CMPK1: variants seen among roughly 807,000 people sequenced by gnomAD.
The protein encoded by CMPK1 is UMP-CMP kinase.
Under a neutral mutation model 25.7 loss-of-function variants are expected in CMPK1, and 10 were observed. The ratio of observed to expected loss-of-function variants is 0.39; its 90% CI spans 0.24 to 0.66. The LOEUF (loss-of-function observed/expected upper bound fraction) is 0.66. CMPK1 is among the 30% of genes least tolerant of loss of function. CMPK1 has a pLI of 0.48. For synonymous variants in CMPK1, 106 were observed against 101.5 expected (o/e 1.04, Z -0.27); for missense variants, 199 against 280.5 (o/e 0.71, Z 2.08).
At chr1:47,341,258 A>G (rs1194569727) in intron 1 of CMPK1, among the ~76,000 whole-genome samples, 1 of 152,172 alleles carries the variant, frequency 6.6e-6, no homozygotes, top group African/African-American at 2.4e-5. Flanking sequence ...AAATGCAAAT[A>G]TTTATATTTT....
chr1:47,358,286 C>T (rs1411193087), intron 1 of CMPK1: 6 of 547,322 alleles, frequency 1.1e-5, no homozygotes, highest in Non-Finnish European at 1.9e-5. Context: ...CTAATTTTTC[C>T]ATTTTTTGTA....
chr1:47,358,491 T>C, intron 1 of CMPK1: 1 of 1,106,290 alleles, frequency 9.0e-7, no homozygotes. Flanking sequence ...TGGCTGTTAG[T>C]ATAGTATAGT....
At chr1:47,369,608 C>A (rs985580614) in intron 2 of CMPK1, among the ~76,000 whole-genome samples, 4 of 151,718 alleles carry the variant, frequency 2.6e-5, no homozygotes, top group Non-Finnish European at 4.4e-5. Flanking sequence ...TGTCGCCAGG[C>A]TGGAGTGTAG....
intron 5 of CMPK1, among the ~76,000 whole-genome samples, chr1:47,375,539 GT>G (rs940188480): frequency 1.3e-5 from 2 of 151,980 alleles, no homozygotes; most frequent in East Asian, 3.9e-4. Context: ...AAAAATTAGG[GT>G]TTTTTTCCTT....
At chr1:47,367,837 G>T (rs1045469208) in intron 1 of CMPK1, among the ~76,000 whole-genome samples, 1 of 151,946 alleles carries the variant, frequency 6.6e-6, no homozygotes, top group Non-Finnish European at 1.5e-5. Flanking sequence ...GTGCAATCAC[G>T]GTTCACTGCA....
chr1:47,354,087 G>A (rs1646540393), intron 1 of CMPK1, among the ~76,000 whole-genome samples: 1 of 152,136 alleles, frequency 6.6e-6, no homozygotes, highest in East Asian at 1.9e-4. Context: ...CACTTTGGGA[G>A]GCTAAGGTGG....
chr1:47,339,769 A>G (rs2149324389), intron 1 of CMPK1, among the ~76,000 whole-genome samples: 1 of 138,668 alleles, frequency 7.2e-6, no homozygotes, highest in East Asian at 2.2e-4. Flanking sequence ...GTGCAGTGGC[A>G]TGATCTCGGC....
chr1:47,333,844 G>C lies in CMPK1; in HGVS notation c.-102G>C. ...CAGCCACGGCGGCGGGGCCGCGGCGGGCGCCGGCTCAGCCCGCCCCTTTCT... is the reference window on the plus strand; with the variant it reads ...CAGCCACGGCGGCGGGGCCGCGGCGCGCGCCGGCTCAGCCCGCCCCTTTCT... On this transcript the variant is annotated 5_prime_UTR_variant, in exon 1 of 6. Transcript: ENST00000371873. 1 of 770,910 alleles carries C rather than the reference G, an allele frequency of 1.3e-6. No individual in the cohort carries two copies. The highest frequency in any genetic ancestry group is 1.6e-6 in the Non-Finnish European group (1 of 627,516). 47.8% of individuals were successfully genotyped at this position (770,910 alleles called of 1,614,324 possible). A position where few individuals can be genotyped will look rare whatever the true frequency, so the allele number is the denominator to read the frequency against.
intron 1 of CMPK1, among the ~76,000 whole-genome samples, chr1:47,337,480 A>G (rs1362925095): frequency 6.6e-6 from 1 of 152,170 alleles, no homozygotes; most frequent in African/African-American, 2.4e-5. Flanking sequence ...TTAAACTGTT[A>G]TCTTCTTTAA....
At chr1:47,376,650 TG>T in intron 5 of CMPK1, 53 bp from the exon 6 acceptor site, 1 of 1,121,934 alleles carries the variant, frequency 8.9e-7, no homozygotes, top group Middle Eastern at 2.4e-4. Flanking sequence ...CTTAGCTGTA[TG>T]GTATTTTAAC....
At chr1:47,358,418 T>C in intron 1 of CMPK1, 1 of 1,214,238 alleles carries the variant, frequency 8.2e-7, no homozygotes, top group Non-Finnish European at 1.0e-6. Context: ...TAGTCCCTGT[T>C]TTTAGAAGTT....
chr1:47,333,913 C>A lies in CMPK1; in HGVS notation c.-33C>A. The A allele has an allele frequency of 1.6e-6, 2 of 1,263,886 alleles. No individual in the cohort carries two copies. The highest frequency in any genetic ancestry group is 1.0e-6 in the Non-Finnish European group (1 of 991,926). The allele number at this position is 1,263,886 out of a possible 1,614,324, so 78.3% of individuals were successfully genotyped here. A position where few individuals can be genotyped will look rare whatever the true frequency, so the allele number is the denominator to read the frequency against. On this transcript the variant is annotated 5_prime_UTR_variant, in exon 1 of 6. Coordinates refer to ENST00000371873, the MANE Select transcript of CMPK1 (RefSeq NM_016308.3). ...CGCCCCGCGCCGCGCCGGCCGCTGT[C>A]AGCTCCCTCAGCGTCCGGCCGAGGC...
chr1:47,366,635 G>C (rs577970179), intron 1 of CMPK1, among the ~76,000 whole-genome samples: 109 of 152,090 alleles, frequency 7.2e-4, no homozygotes, highest in Non-Finnish European at 1.3e-3. Context: ...CATGTGTATA[G>C]GTTTGACATC....
At chr1:47,368,448 T>C (rs1646654240) in intron 1 of CMPK1, 21 bp from the exon 2 acceptor site, 1 of 1,576,154 alleles carries the variant, frequency 6.3e-7, no homozygotes, top group Non-Finnish European at 8.6e-7. Flanking sequence ...CTGATATTTT[T>C]CCTATGTGTG....
intron 1 of CMPK1, among the ~76,000 whole-genome samples, chr1:47,353,279 T>C (rs1646535253): frequency 2.0e-5 from 3 of 152,250 alleles, no homozygotes; most frequent in South Asian, 2.1e-4. Context: ...CTGTACCTTA[T>C]GGATCCTCTC....
intron 1 of CMPK1, among the ~76,000 whole-genome samples, chr1:47,334,635 G>C (rs1458466129): frequency 6.6e-6 from 1 of 152,220 alleles, no homozygotes; most frequent in Non-Finnish European, 1.5e-5. Flanking sequence ...AGGCCCGTGG[G>C]GCGGGGTGTT....
At chr1:47,373,676 A>G (rs1646690634) in intron 3 of CMPK1, among the ~76,000 whole-genome samples, 1 of 152,072 alleles carries the variant, frequency 6.6e-6, no homozygotes, top group Non-Finnish European at 1.5e-5. Flanking sequence ...TATGCCTGTA[A>G]TCCCAGCTAC....
chr1:47,364,653 A>G (rs1646626739), intron 1 of CMPK1, among the ~76,000 whole-genome samples: 1 of 148,226 alleles, frequency 6.7e-6, no homozygotes, highest in Non-Finnish European at 1.5e-5. Context: ...AATATAAATT[A>G]TATACTATAT....
chr1:47,334,021 C>A lies in CMPK1; in HGVS notation c.76C>A (p.Leu26Ile). 1.9e-6 allele frequency: 3 copies of A among 1,551,958 alleles called. No homozygotes were observed. The South Asian group carries it at 3.6e-5, about 18-fold the overall frequency. ...SFLLQTRRPI[L>I]LCSPRLMKPL... ...CCTGCTGCAGACCCGCCGGCCGATT[C>A]TCCTCTGCTCTCCACGTCTCATGAA... The change falls in exon 1 of 6, where the codon CTC (leucine) becomes ATC (isoleucine). Residue 26 changes from leucine (L) to isoleucine (I), a missense_variant. By Grantham distance (5) the Leu-to-Ile change is conservative (BLOSUM62 2). This residue lies in a region of CMPK1 where 59 missense variants were observed against 45.1 expected (regional missense o/e 1.31). Transcript: ENST00000371873.
Sources: gnomAD v4.1 joint callset for allele counts (sites outside exome capture counted in the v4.1 genomes callset) on GRCh38, gnomAD v4.1.1 for gene constraint, gnomAD v4.1.1 regional missense constraint, MANE v1.5 for transcripts, NCBI Gene and HGNC (gene_info 2026-07-23, HGNC 2026-07-21) for gene names.